The following USP53 variants were observed in gnomAD, a reference collection of about 807,000 sequenced individuals.
The protein encoded by USP53 is ubiquitin carboxyl-terminal hydrolase 53.
A neutral mutation model predicts 94.9 loss-of-function variants in USP53; 71 were observed. That is an observed-to-expected ratio of 0.75 (90% CI 0.62 to 0.91). The LOEUF is 0.91. Among genes scored for constraint, USP53 ranks in the 40% least tolerant of loss-of-function variants. The pLI is 0.00. For missense variants in USP53, 1,173 were observed against 1,281.0 expected, an observed-to-expected ratio of 0.92 and a Z score of 1.29; for synonymous variants, 375 against 422.7, an observed-to-expected ratio of 0.89 and a Z score of 1.39.
intron 5 of USP53, among the ~76,000 whole-genome samples, chr4:119,244,212 A>C (rs765494471): frequency 1.8e-4 from 27 of 152,208 alleles, no homozygotes; most frequent in Non-Finnish European, 2.9e-4. Context: ...AAAGTTATTA[A>C]ACATCATCAA....
Position 119,249,734 on chromosome 4 carries a change from G to A in USP53, c.372+852G>A, listed in dbSNP as rs576302933. Among the ~76,000 whole-genome samples, 9 of 143,374 alleles carry A rather than the reference G, an allele frequency of 6.3e-5. No individual in the cohort carries two copies. In the East Asian group the frequency reaches 1.0e-3, roughly 17 times the overall value. 94.1% of individuals were successfully genotyped at this position (143,374 alleles called of 152,430 possible). ...GGCTGGGGTGCAGTGGTGTGATCTC[G>A]GCTCACTGCAAGCTCCACCTCCTGG... On this transcript the variant is annotated intron_variant, in intron 7 of 18. Coordinates refer to ENST00000692078, the MANE Select transcript of USP53 (RefSeq NM_001371395.1).
chr4:119,260,383 CAATTTT>C, intron 10 of USP53, 118 bp from the exon 11 acceptor site: 2 of 700,486 alleles, frequency 2.9e-6, no homozygotes, highest in Non-Finnish European at 4.2e-6. Flanking sequence ...TGTTAGAAGT[CAATTTT>C]TAGTATACTG....
At chr4:119,233,080 T>C (rs1309758333) in intron 3 of USP53, among the ~76,000 whole-genome samples, 1 of 152,086 alleles carries the variant, frequency 6.6e-6, no homozygotes, top group African/African-American at 2.4e-5. Context: ...TTTTTAGTTA[T>C]TGCCATAAGA....
At chr4:119,234,248 G>T (rs2149308740) in intron 3 of USP53, among the ~76,000 whole-genome samples, 1 of 152,282 alleles carries the variant, frequency 6.6e-6, no homozygotes, top group Non-Finnish European at 1.5e-5. Flanking sequence ...TCACAACTAG[G>T]TCTTTTCCAT....
At chr4:119,269,878 C>G (rs746492923) in intron 15 of USP53, 41 bp downstream of exon 15, 2 of 1,279,146 alleles carry the variant, frequency 1.6e-6, no homozygotes, top group Non-Finnish European at 2.0e-6. Flanking sequence ...AAAGGAACTT[C>G]TAAAAATCTT....
intron 6 of USP53, among the ~76,000 whole-genome samples, chr4:119,247,325 A>G (rs1429497178): frequency 7.9e-5 from 12 of 152,040 alleles, no homozygotes; most frequent in Admixed American, 4.6e-4. Context: ...CCCCACCTCA[A>G]AGTCTTCTCA....
intron 16 of USP53, chr4:119,273,285 T>C (rs1331287080): frequency 1.3e-5 from 2 of 156,144 alleles, no homozygotes; most frequent in Non-Finnish European, 2.7e-5. Flanking sequence ...CTGCACTCCA[T>C]CCTGGGCAAA....
Position 119,213,915 on chromosome 4 carries a change from G to A in USP53, c.-941-155G>A, listed in dbSNP as rs182505627. ...AAAAAAACGCAGTACACTTAGGAAG[G>A]TTTTTGTGATTAAGATCTGATTCAC... On this transcript the variant is annotated intron_variant, in intron 1 of 18. Coordinates refer to ENST00000692078, the MANE Select transcript of USP53 (RefSeq NM_001371395.1). Among the ~76,000 whole-genome samples, 310 of 150,906 alleles carry A rather than the reference G, an allele frequency of 2.1e-3. 1 individual carries two copies. Among genetic ancestry groups the A allele is most frequent in the African/African-American group, 7.1e-3 (293 of 41,046 alleles).
intron 2 of USP53, among the ~76,000 whole-genome samples, chr4:119,216,955 T>G (rs1442860093): frequency 1.3e-5 from 2 of 152,244 alleles, no homozygotes; most frequent in East Asian, 1.9e-4. Flanking sequence ...CTGCATTCGT[T>G]GAATGCCTAT....
intron 17 of USP53, among the ~76,000 whole-genome samples, chr4:119,285,101 T>C (rs1160215821): frequency 6.6e-6 from 1 of 151,712 alleles, no homozygotes; most frequent in Non-Finnish European, 1.5e-5. Context: ...GCATGAAGAA[T>C]AGAACAGAAC....
intron 16 of USP53, 69 bp downstream of exon 16, chr4:119,272,103 T>A: frequency 6.7e-7 from 1 of 1,498,436 alleles, no homozygotes; most frequent in Middle Eastern, 1.9e-4. Flanking sequence ...GAAGTAATTT[T>A]TGAAGTTTGG....
At position 119,293,379 on chromosome 4, in the gene USP53, T is replaced by G; in HGVS notation, c.*168T>G. On this transcript the variant is annotated 3_prime_UTR_variant, in exon 19 of 19. Coordinates refer to ENST00000692078, the MANE Select transcript of USP53 (RefSeq NM_001371395.1). Reference sequence around the variant, plus strand: ...ATAGGAACCTACTGACCAAACCTAGTGATACATAAAATTAAAGCCTGTGGC... The same window carrying G: ...ATAGGAACCTACTGACCAAACCTAGGGATACATAAAATTAAAGCCTGTGGC... The G allele has an allele frequency of 1.4e-6, 1 of 716,572 alleles. No homozygotes were observed. Among genetic ancestry groups the G allele is most frequent in the Non-Finnish European group, 2.2e-6 (1 of 460,886 alleles). The allele number at this position is 716,572 out of a possible 1,614,324, so 44.4% of individuals were successfully genotyped here. A position where few individuals can be genotyped will look rare whatever the true frequency, so the allele number is the denominator to read the frequency against.
intron 17 of USP53, among the ~76,000 whole-genome samples, chr4:119,282,714 T>C (rs894225018): frequency 6.3e-5 from 8 of 126,452 alleles, no homozygotes; most frequent in African/African-American, 1.6e-4. Context: ...AAAAGTGATA[T>C]AGGAATTTTT....
chr4:119,248,967 A>C, intron 7 of USP53, 85 bp downstream of exon 7: 2 of 1,530,896 alleles, frequency 1.3e-6, no homozygotes, highest in Middle Eastern at 2.3e-4. Context: ...AATGAAACAA[A>C]AATTTAGAAC....
chr4:119,222,498 CCATGAGATT>C (rs1253983806), intron 3 of USP53, among the ~76,000 whole-genome samples: 1 of 152,138 alleles, frequency 6.6e-6, no homozygotes, highest in Non-Finnish European at 1.5e-5. Context: ...CTCTCTATAT[CCATGAGATT>C]ATTTATTTAT....
chr4:119,230,986 T>C (rs1028302800), intron 3 of USP53, among the ~76,000 whole-genome samples: 3 of 152,152 alleles, frequency 2.0e-5, no homozygotes, highest in African/African-American at 7.2e-5. Flanking sequence ...GCACAGCCCA[T>C]GCAGGCTGTG....
intron 9 of USP53, among the ~76,000 whole-genome samples, chr4:119,257,379 G>T (rs1267358233): frequency 6.6e-6 from 1 of 152,192 alleles, no homozygotes; most frequent in Non-Finnish European, 1.5e-5. Context: ...GGTGGAGGTT[G>T]CAGTGAGCTG....
At chr4:119,246,912 T>TAAATATGAAAAA (rs1748328729) in intron 6 of USP53, among the ~76,000 whole-genome samples, 1 of 152,212 alleles carries the variant, frequency 6.6e-6, no homozygotes, top group Non-Finnish European at 1.5e-5. Flanking sequence ...CATTCTTGAA[T>TAAATATGAAAAA]ATTCATAATG....
intron 17 of USP53, among the ~76,000 whole-genome samples, chr4:119,279,113 T>C (rs1753078983): frequency 6.7e-6 from 1 of 148,762 alleles, no homozygotes; most frequent in African/African-American, 2.5e-5. Flanking sequence ...TCAAAGTCAT[T>C]CTCCATCCAG....
Sources: allele counts gnomAD v4.1 joint callset (sites outside exome capture counted in the v4.1 genomes callset), GRCh38; gene constraint gnomAD v4.1.1; transcripts MANE v1.5; gene names NCBI Gene and HGNC (gene_info 2026-07-23, HGNC 2026-07-21).